TCEA3: variants seen among roughly 807,000 people sequenced by gnomAD.
TCEA3 encodes the protein transcription elongation factor A3.
TCEA3 carries 36 observed loss-of-function variants against 44.0 expected under a neutral mutation model. The ratio of observed to expected loss-of-function variants is 0.82; its 90% CI spans 0.63 to 1.08. The LOEUF (loss-of-function observed/expected upper bound fraction) is 1.08. Ranked by LOEUF, TCEA3 falls within the 50% of genes least tolerant of loss-of-function variation. The pLI is 0.00. For synonymous variants in TCEA3, 162 were observed against 159.7 expected, an observed-to-expected ratio of 1.01 and a Z score of -0.11; for missense variants, 392 against 441.2, an observed-to-expected ratio of 0.89 and a Z score of 1.00.
At chr1:23,418,873 A>T (rs1639971794) in intron 2 of TCEA3, among the ~76,000 whole-genome samples, 1 of 151,490 alleles carries the variant, frequency 6.6e-6, no homozygotes, top group Non-Finnish European at 1.5e-5. Context: ...GGTCCCCTAC[A>T]CCTAGAAGAT....
At chr1:23,411,591 GA>G in intron 4 of TCEA3, 1 of 183,882 alleles carries the variant, frequency 5.4e-6, no homozygotes, top group Non-Finnish European at 1.2e-5. Context: ...TTCACCCCAA[GA>G]AAAGTAACAG....
chr1:23,420,294 C>T (rs138779991), intron 1 of TCEA3, among the ~76,000 whole-genome samples: 8 of 152,272 alleles, frequency 5.3e-5, no homozygotes, highest in African/African-American at 7.2e-5. Context: ...CAGGCTGGAG[C>T]GCAGTGGCAC....
At chr1:23,384,754 C>T (rs1281732290) in intron 9 of TCEA3, among the ~76,000 whole-genome samples, 1 of 151,080 alleles carries the variant, frequency 6.6e-6, no homozygotes, top group South Asian at 2.1e-4. Flanking sequence ...GCAACCTCCA[C>T]CTCCTGGGTT....
chr1:23,405,831 C>G (rs1334330836), intron 5 of TCEA3, among the ~76,000 whole-genome samples: 2 of 152,172 alleles, frequency 1.3e-5, no homozygotes, highest in Non-Finnish European at 2.9e-5. Context: ...GTTTTGATTA[C>G]AGCATCAAAC....
At chr1:23,382,265 C>T (rs1250873457) in intron 10 of TCEA3, among the ~76,000 whole-genome samples, 1 of 152,104 alleles carries the variant, frequency 6.6e-6, no homozygotes, top group Non-Finnish European at 1.5e-5. Flanking sequence ...AGGCTGGTCT[C>T]AAACTCCCGA....
At chr1:23,399,860 G>C (rs747457958) in intron 5 of TCEA3, among the ~76,000 whole-genome samples, 7 of 152,142 alleles carry the variant, frequency 4.6e-5, no homozygotes, top group Admixed American at 2.0e-4. Context: ...ATTTTTAGTA[G>C]AGATGGGGTT....
At chr1:23,420,335 A>G (rs907914617) in intron 1 of TCEA3, among the ~76,000 whole-genome samples, 4 of 152,294 alleles carry the variant, frequency 2.6e-5, no homozygotes, top group African/African-American at 9.6e-5. Flanking sequence ...TCGACTTTCC[A>G]GGCTCAGGTG....
At position 23,415,324 on chromosome 1, in the gene TCEA3, C is replaced by T. The variant is rs1173277955; in HGVS notation, c.380+1925G>A. The stretch of plus-strand genomic sequence containing the variant: ...AGGCATGGGCCACTGCGCCCAGCCT[C>T]TTTACTGTTCATTCAGTGGGGCTTG... On this transcript the variant is annotated intron_variant, in intron 4 of 10. Coordinates refer to ENST00000450454, the MANE Select transcript of TCEA3 (RefSeq NM_003196.3). Among the ~76,000 whole-genome samples the T allele has an allele frequency of 2.0e-5, 3 of 152,232 alleles. No individual in the cohort carries two copies. The East Asian group carries it at 5.8e-4, about 29-fold the overall frequency.
intron 10 of TCEA3, 166 bp downstream of exon 10, chr1:23,384,180 C>T (rs2148541166): frequency 1.4e-6 from 2 of 1,465,166 alleles, no homozygotes; most frequent in East Asian, 2.4e-5. Flanking sequence ...CTCTCCCCAC[C>T]TCCCCAACAG....
chr1:23,402,421 T>C (rs75673594), intron 5 of TCEA3, among the ~76,000 whole-genome samples: 5,373 of 152,264 alleles, frequency 0.035, 319 homozygotes, highest in South Asian at 0.24. Flanking sequence ...CACTTTCTGA[T>C]GTAATCTCAT....
At chr1:23,388,386 C>T (rs1310293374) in intron 8 of TCEA3, among the ~76,000 whole-genome samples, 5 of 151,668 alleles carry the variant, frequency 3.3e-5, no homozygotes, top group Non-Finnish European at 5.9e-5. Flanking sequence ...TTAGTAGAGA[C>T]GGGGTTTCAC....
chr1:23,409,737 G>C (rs759649203), intron 4 of TCEA3, among the ~76,000 whole-genome samples: 7 of 151,820 alleles, frequency 4.6e-5, no homozygotes, highest in African/African-American at 9.7e-5. Flanking sequence ...TTAGTAGAGA[G>C]GGGGTTTCAC....
intron 9 of TCEA3, 113 bp downstream of exon 9, chr1:23,387,158 TAG>T (rs2148544807): frequency 2.9e-6 from 4 of 1,371,990 alleles, no homozygotes; most frequent in East Asian, 2.4e-5. Context: ...CGGCAAAGCC[TAG>T]AGAGTTTTAA....
chr1:23,419,156 G>A lies in TCEA3; in HGVS notation c.70-17C>T, dbSNP rs766249895. The A allele has an allele frequency of 1.1e-5, 18 of 1,568,300 alleles. No individual in the cohort carries two copies. Among genetic ancestry groups the A allele is most frequent in the Non-Finnish European group, 1.5e-5 (17 of 1,153,980 alleles). On this transcript the variant is annotated splice_polypyrimidine_tract_variant and intron_variant, in intron 1 of 10. Coordinates refer to ENST00000450454, the MANE Select transcript of TCEA3 (RefSeq NM_003196.3). ...GGCCCCTTCCTGTGGGAGGCCACAAGGTGAGGACTGGGGCCTGGGTCCTGA... is the reference window on the plus strand; with the variant it reads ...GGCCCCTTCCTGTGGGAGGCCACAAAGTGAGGACTGGGGCCTGGGTCCTGA...
rs1638667957 is a variant in TCEA3 at position 23,381,356 on chromosome 1, A to C, written c.*110T>G. The stretch of plus-strand genomic sequence containing the variant: ...TCCTCTAACTCATACCATCCCACTC[A>C]GACAGAGTTCAGTATTTTCCTTCAC... On this transcript the variant is annotated 3_prime_UTR_variant, in exon 11 of 11. Transcript: ENST00000450454. 1 of 749,040 alleles carries C rather than the reference A, an allele frequency of 1.3e-6. No homozygotes were observed. Among genetic ancestry groups the C allele is most frequent in the South Asian group, 1.5e-5 (1 of 68,958 alleles). 46.4% of individuals were successfully genotyped at this position (749,040 alleles called of 1,614,324 possible).
At chr1:23,393,665 C>T (rs911059839) in intron 8 of TCEA3, among the ~76,000 whole-genome samples, 23 of 152,212 alleles carry the variant, frequency 1.5e-4, no homozygotes, top group African/African-American at 5.5e-4. Flanking sequence ...ATAAACTTGG[C>T]CAATTCGCTG....
intron 2 of TCEA3, 138 bp from the exon 3 acceptor site, chr1:23,418,147 G>A (rs1639948104): frequency 1.3e-6 from 1 of 795,748 alleles, no homozygotes. Flanking sequence ...CTGACTCCTG[G>A]CTGAGGTCAG....
At chr1:23,399,144 GTATATATATATATATA>G (rs60424866) in intron 5 of TCEA3, among the ~76,000 whole-genome samples, 27 of 61,146 alleles carry the variant, frequency 4.4e-4, no homozygotes, top group Admixed American at 4.1e-3. Context: ...ATGTATATAT[GTATATATATATATATA>G]TATATATATA....
At chr1:23,400,442 C>T (rs1309813453) in intron 5 of TCEA3, among the ~76,000 whole-genome samples, 1 of 147,842 alleles carries the variant, frequency 6.8e-6, no homozygotes, top group Admixed American at 6.7e-5. Flanking sequence ...CTCCTGGCCT[C>T]AAGTGATCCA....
Sources: gnomAD v4.1 joint callset for allele counts (sites outside exome capture counted in the v4.1 genomes callset) on GRCh38, gnomAD v4.1.1 for gene constraint, MANE v1.5 for transcripts, NCBI Gene and HGNC (gene_info 2026-07-23, HGNC 2026-07-21) for gene names.